TRIM72: variants seen among roughly 807,000 people sequenced by gnomAD.
The protein encoded by TRIM72 is tripartite motif-containing protein 72.
Under a neutral mutation model 31.6 loss-of-function variants are expected in TRIM72, and 33 were observed. The ratio of observed to expected loss-of-function variants is 1.04; its 90% CI spans 0.79 to 1.40. The LOEUF is 1.40. Among genes scored for constraint, TRIM72 ranks in the 40% most tolerant of loss-of-function variants. The pLI, the probability that TRIM72 is intolerant of heterozygous loss-of-function variation, is 0.00. For synonymous variants in TRIM72, 301 were observed against 314.4 expected, an observed-to-expected ratio of 0.96 and a Z score of 0.45; for missense variants, 666 against 682.7, an observed-to-expected ratio of 0.98 and a Z score of 0.27.
Position 31,226,612 on chromosome 16 carries a change from T to C in TRIM72, c.*1857T>C, listed in dbSNP as rs2144202597. The C allele has an allele frequency of 6.6e-6, 1 of 152,376 alleles. No homozygotes were observed. Among genetic ancestry groups the C allele is most frequent in the Non-Finnish European group, 1.5e-5 (1 of 68,108 alleles). 9.4% of individuals were successfully genotyped at this position (152,376 alleles called of 1,614,324 possible). On this transcript the variant is annotated 3_prime_UTR_variant, in exon 7 of 7. Transcript: ENST00000322122. ...CCAAGGTCACACTGGTCCCTGCTGC[T>C]CATGGGGAAGAGAAGGCCCCCAACT...
intron 6 of TRIM72, among the ~76,000 whole-genome samples, chr16:31,223,625 C>A (rs899355637): frequency 6.6e-6 from 1 of 152,140 alleles, no homozygotes; most frequent in Admixed American, 6.6e-5. Context: ...TCCTGTTGGC[C>A]AGGCTCGGTG....
intron 5 of TRIM72, among the ~76,000 whole-genome samples, chr16:31,221,608 G>A (rs1346826962): frequency 3.0e-5 from 4 of 131,284 alleles, no homozygotes; most frequent in African/African-American, 1.2e-4. Context: ...AAGGGCATTG[G>A]GAGAAGGGCA....
At chr16:31,224,136 G>A (rs1040606721) in intron 6 of TRIM72, 45 bp from the exon 7 acceptor site, 1 of 1,579,782 alleles carries the variant, frequency 6.3e-7, no homozygotes, top group Non-Finnish European at 8.5e-7. Flanking sequence ...GAAGACCCCA[G>A]CGAGGCAGAA....
At chr16:31,221,187 C>A (rs1170071594) in intron 5 of TRIM72, among the ~76,000 whole-genome samples, 1 of 152,064 alleles carries the variant, frequency 6.6e-6, no homozygotes, top group Non-Finnish European at 1.5e-5. Flanking sequence ...AAGAGGTGGC[C>A]AGGGATGGAG....
At chr16:31,214,682 C>T in intron 1 of TRIM72, 50 bp from the exon 2 acceptor site, 2 of 1,440,636 alleles carry the variant, frequency 1.4e-6, no homozygotes, top group East Asian at 2.9e-5. Context: ...AGGGCTGGGC[C>T]GGGAGCGCGG....
chr16:31,229,028 C>A lies in TRIM72; in HGVS notation c.*4273C>A, dbSNP rs2079562473. 1 of 152,408 alleles carries A rather than the reference C, an allele frequency of 6.6e-6. No individual in the cohort carries two copies. Among genetic ancestry groups the A allele is most frequent in the South Asian group, 2.1e-4 (1 of 4,832 alleles). The allele number at this position is 152,408 out of a possible 1,614,324, so 9.4% of individuals were successfully genotyped here. On this transcript the variant is annotated 3_prime_UTR_variant, in exon 7 of 7. Coordinates refer to ENST00000322122, the MANE Select transcript of TRIM72 (RefSeq NM_001008274.4). The stretch of plus-strand genomic sequence containing the variant: ...CTCCTCTCTGGATCGCCCAGCAGCT[C>A]CTCCACCATGTGTAGCCCACGGCAT...
intron 2 of TRIM72, chr16:31,217,369 T>C (rs922041520): frequency 7.7e-6 from 2 of 260,734 alleles, no homozygotes; most frequent in African/African-American, 4.4e-5. Context: ...TAGCCTGGCA[T>C]GGTTGCTCAT....
rs1298908913 is a variant in TRIM72, at chr16:31,215,562, G to C, written c.390+434G>C. On this transcript the variant is annotated intron_variant, in intron 2 of 6. Coordinates refer to ENST00000322122, the MANE Select transcript of TRIM72 (RefSeq NM_001008274.4). This position sits in a 1 kb window ranked among gnomAD's most constrained non-coding sequence, Gnocchi z 6.3. ...CTGGCCCACTTTGGACTGGAGGCGC[G>C]GCGTTCGGGACCGAGCCAGGCGGCC... Among the ~76,000 whole-genome samples, 1 of 152,072 alleles carries C rather than the reference G, an allele frequency of 6.6e-6. No individual in the cohort carries two copies. Among genetic ancestry groups the C allele is most frequent in the Non-Finnish European group, 1.5e-5 (1 of 68,006 alleles).
rs796183690 is a variant in TRIM72, at chr16:31,225,192, A to G, written c.*437A>G. 1.3e-3 allele frequency: 186 copies of G among 146,614 alleles called. No individual in the cohort carries two copies. The highest frequency in any genetic ancestry group is 1.6e-3 in the East Asian group (8 of 5,052). 9.1% of individuals were successfully genotyped at this position (146,614 alleles called of 1,614,324 possible). A position where few individuals can be genotyped will look rare whatever the true frequency, so the allele number is the denominator to read the frequency against. On this transcript the variant is annotated 3_prime_UTR_variant, in exon 7 of 7. Coordinates refer to ENST00000322122, the MANE Select transcript of TRIM72 (RefSeq NM_001008274.4). ...GTGACAAGAGTGAGACTCTGTCTCA[A>G]AAAAAAAAAAAAGTGTGGGGGTTGG...
Position 31,227,243 on chromosome 16 carries a change from T to G in TRIM72, c.*2488T>G, listed in dbSNP as rs1206501521. On this transcript the variant is annotated 3_prime_UTR_variant, in exon 7 of 7. Transcript: ENST00000322122. ...TTGCCCTCCAGCCTTTAATCCTGACTTGGTAATGTTTCCAAAAATGCAAAT... is the reference window on the plus strand; with the variant it reads ...TTGCCCTCCAGCCTTTAATCCTGACGTGGTAATGTTTCCAAAAATGCAAAT... 6.6e-6 allele frequency: 1 copy of G among 152,226 alleles called. No homozygotes were observed. Among genetic ancestry groups the G allele is most frequent in the Admixed American group, 6.5e-5 (1 of 15,280 alleles). 9.4% of individuals were successfully genotyped at this position (152,226 alleles called of 1,614,324 possible). A position where few individuals can be genotyped will look rare whatever the true frequency, so the allele number is the denominator to read the frequency against.
rs2079523050 is a variant in TRIM72, at chr16:31,219,280, T to C, written c.487-9T>C. On this transcript the variant is annotated splice_polypyrimidine_tract_variant and intron_variant, in intron 3 of 6. Transcript: ENST00000322122. This position sits in a 1 kb window ranked among gnomAD's most constrained non-coding sequence, Gnocchi z 4.2. ...CTTTATCCCTTCAATCACTGCCCCATCCCTGCAGGAGACAGTGCGTCAGTT... is the reference window on the plus strand; with the variant it reads ...CTTTATCCCTTCAATCACTGCCCCACCCCTGCAGGAGACAGTGCGTCAGTT... The C allele has an allele frequency of 6.2e-7, 1 of 1,614,072 alleles. No individual in the cohort carries two copies. Among genetic ancestry groups the C allele is most frequent in the Non-Finnish European group, 8.5e-7 (1 of 1,180,022 alleles).
Position 31,222,826 on chromosome 16 carries a change from G to A in TRIM72, c.741-1G>A. On this transcript the variant is annotated splice_acceptor_variant, in intron 5 of 6. Coordinates refer to ENST00000322122, the MANE Select transcript of TRIM72 (RefSeq NM_001008274.4). LOFTEE classifies it high-confidence loss of function. ...CCTCCCCTTCCCCTCCCCACCCCCA[G>A]GCTGCAGAAGATCCTGGCAGAGTCT... The A allele has an allele frequency of 1.3e-5, 5 of 376,886 alleles. No homozygotes were observed. Among genetic ancestry groups the A allele is most frequent in the East Asian group, 9.5e-5 (1 of 10,500 alleles). 23.3% of individuals were successfully genotyped at this position (376,886 alleles called of 1,614,324 possible).
rs200603153 is a variant in TRIM72 at position 31,215,123 on chromosome 16, C to T, written c.385C>T (p.Leu129Phe). Reference protein sequence around the residue: ...LLPAAEAHARLKTQLPQQKLQ... With the variant: ...LLPAAEAHARFKTQLPQQKLQ... ...GCCTGCCGCCGAGGCCCACGCACGC[C>T]TCAAGGTGCGGGATCCGCGCGCATC... Residue 129 changes from leucine to phenylalanine, a missense_variant, in exon 2 of 7, where the codon CTC becomes TTC. Transcript: ENST00000322122. The surrounding 1 kb of genome is among the most constrained non-coding windows in gnomAD (Gnocchi z 6.3). 1.2e-4 allele frequency: 180 copies of T among 1,440,702 alleles called. No individual in the cohort carries two copies. In the Middle Eastern group the frequency reaches 3.7e-3, roughly 29 times the overall value. 89.2% of individuals were successfully genotyped at this position (1,440,702 alleles called of 1,614,324 possible).
Position 31,215,138 on chromosome 16 carries a change from C to T in TRIM72, c.390+10C>T, listed in dbSNP as rs770625792. The T allele has an allele frequency of 1.5e-5, 22 of 1,432,722 alleles. No individual in the cohort carries two copies. The highest frequency in any genetic ancestry group is 2.0e-5 in the Non-Finnish European group (22 of 1,102,196). The allele number at this position is 1,432,722 out of a possible 1,614,324, so 88.8% of individuals were successfully genotyped here. On this transcript the variant is annotated intron_variant, in intron 2 of 6. Transcript: ENST00000322122. This position sits in a 1 kb window ranked among gnomAD's most constrained non-coding sequence, Gnocchi z 6.3. ...CCACGCACGCCTCAAGGTGCGGGAT[C>T]CGCGCGCATCGTGGTCGGAGGGGCT...
chr16:31,221,837 G>A (rs1379591419), intron 5 of TRIM72, among the ~76,000 whole-genome samples: 3 of 150,854 alleles, frequency 2.0e-5, no homozygotes, highest in African/African-American at 7.3e-5. Context: ...GAAGGGCATT[G>A]CAGAGAGAAG....
intron 2 of TRIM72, among the ~76,000 whole-genome samples, chr16:31,217,701 G>A (rs7184910): frequency 0.45 from 68,411 of 150,362 alleles, 17,316 homozygotes; most frequent in East Asian, 0.75. Context: ...TGCAACCTCC[G>A]CCTCCCTGGT....
rs1296959253 is a variant in TRIM72 at position 31,216,975 on chromosome 16, C to T, written c.390+1847C>T. On this transcript the variant is annotated intron_variant, in intron 2 of 6. Transcript: ENST00000322122. The surrounding 1 kb of genome is among the most constrained non-coding windows in gnomAD (Gnocchi z 6.7). The stretch of plus-strand genomic sequence containing the variant: ...GCTTCATCTTGAACTTCTTGAGCTC[C>T]TCCGGTGTCAGGTTCTCCAGCACCT... The T allele has an allele frequency of 1.2e-6, 2 of 1,614,018 alleles. No individual in the cohort carries two copies. Among genetic ancestry groups the T allele is most frequent in the African/African-American group, 2.7e-5 (2 of 74,954 alleles).
rs1160718865 is a variant in TRIM72, at chr16:31,225,643, C to CTTTTTTTTT, written c.*906_*914dup. The CTTTTTTTTT allele has an allele frequency of 8.6e-5, 7 of 81,104 alleles. No homozygotes were observed. Among genetic ancestry groups the CTTTTTTTTT allele is most frequent in the East Asian group, 9.0e-4 (2 of 2,224 alleles). The allele number at this position is 81,104 out of a possible 1,614,324, so 5.0% of individuals were successfully genotyped here. ...AAATGCTCATTTCTTTTTTTTATTT[C>CTTTTTTTTT]TTTTTTTTTTTTTTTTTTTTTTTTT... is the stretch of plus-strand genomic sequence containing the variant. On this transcript the variant is annotated 3_prime_UTR_variant, in exon 7 of 7. Coordinates refer to ENST00000322122, the MANE Select transcript of TRIM72 (RefSeq NM_001008274.4).
rs866967489 is a variant in TRIM72, at chr16:31,224,712, C to T, written c.1391C>T (p.Ala464Val). The T allele has an allele frequency of 1.3e-6, 2 of 1,530,694 alleles. No individual in the cohort carries two copies. The highest frequency in any genetic ancestry group is 1.7e-6 in the Non-Finnish European group (2 of 1,144,598). The allele number at this position is 1,530,694 out of a possible 1,614,324, so 94.8% of individuals were successfully genotyped here. Residue 464 changes from alanine (A) to valine (V), a missense_variant, in exon 7 of 7, where the codon GCC (alanine) becomes GTC (valine). Coordinates refer to ENST00000322122, the MANE Select transcript of TRIM72 (RefSeq NM_001008274.4). ...DVCWHDKGKNAQPLLLVGPEG... is the reference protein window; with the variant it reads ...DVCWHDKGKNVQPLLLVGPEG... ...TGCTGGCACGACAAGGGCAAGAATG[C>T]CCAGCCGCTGCTGCTCGTGGGTCCC...
Sources: gnomAD v4.1 joint callset for allele counts (sites outside exome capture counted in the v4.1 genomes callset) on GRCh38, gnomAD v4.1.1 for gene constraint, Gnocchi (gnomAD v3.1) non-coding constraint, MANE v1.5 for transcripts, NCBI Gene and HGNC (gene_info 2026-07-23, HGNC 2026-07-21) for gene names.